The following COL6A6 variants were observed in gnomAD, a reference collection of about 807,000 sequenced individuals.
COL6A6 encodes collagen type VI alpha 6 chain, also known as collagen alpha-6(VI) chain.
Under a neutral mutation model 208.6 loss-of-function variants are expected in COL6A6, and 183 were observed. The ratio of observed to expected loss-of-function variants is 0.88; its 90% CI spans 0.78 to 0.99. The LOEUF (loss-of-function observed/expected upper bound fraction) is 0.99, where lower values mean the gene tolerates loss of function less well. COL6A6 is among the 50% of genes least tolerant of loss of function. The pLI is 0.00. For missense variants in COL6A6, 2,816 were observed against 2,815.2 expected (o/e 1.00, Z -0.01); for synonymous variants, 973 against 1,011.8 (o/e 0.96, Z 0.73).
At chr3:130,562,214 A>G (rs1577707161) in intron 2 of COL6A6, among the ~76,000 whole-genome samples, 1 of 152,234 alleles carries the variant, frequency 6.6e-6, no homozygotes, top group Admixed American at 6.5e-5. Flanking sequence ...CAATGATTCT[A>G]TATCATGTAA....
chr3:130,527,717 C>T (rs1272595829), intron 1 of COL6A6, among the ~76,000 whole-genome samples: 1 of 152,140 alleles, frequency 6.6e-6, no homozygotes, highest in African/African-American at 2.4e-5. Flanking sequence ...TACCAAAGCA[C>T]TTCATAGTTT....
intron 36 of COL6A6, among the ~76,000 whole-genome samples, chr3:130,671,014 G>C (rs564529005): frequency 6.6e-6 from 1 of 152,284 alleles, no homozygotes; most frequent in South Asian, 2.1e-4. Context: ...AAGGGAAGAG[G>C]GGAGATGCCT....
At chr3:130,637,884 C>G (rs184573786) in intron 28 of COL6A6, among the ~76,000 whole-genome samples, 1 of 152,228 alleles carries the variant, frequency 6.6e-6, no homozygotes, top group African/African-American at 2.4e-5. Context: ...CATATCAGCA[C>G]TGTTGACATT....
chr3:130,546,693 C>T (rs1387035695), intron 1 of COL6A6, among the ~76,000 whole-genome samples: 5 of 152,158 alleles, frequency 3.3e-5, no homozygotes, highest in East Asian at 1.9e-4. Flanking sequence ...TTCTCCAAGT[C>T]GTCACCAGAT....
At chr3:130,626,007 T>C (rs932438980) in intron 24 of COL6A6, among the ~76,000 whole-genome samples, 1 of 152,186 alleles carries the variant, frequency 6.6e-6, no homozygotes, top group African/African-American at 2.4e-5. Context: ...GTAGCTGAAC[T>C]TTCCTCAACA....
At chr3:130,527,054 G>A (rs530111001) in intron 1 of COL6A6, among the ~76,000 whole-genome samples, 26 of 152,206 alleles carry the variant, frequency 1.7e-4, no homozygotes, top group Non-Finnish European at 3.2e-4. Context: ...CCTCTTTTAG[G>A]CTACTTTTCC....
At chr3:130,634,449 C>A in intron 26 of COL6A6, 141 bp from the exon 27 acceptor site, 2 of 710,000 alleles carry the variant, frequency 2.8e-6, no homozygotes, top group Non-Finnish European at 4.9e-6. Context: ...ACTGCTATTT[C>A]ACTTCCAGAT....
chr3:130,576,275 C>T (rs988675824), intron 8 of COL6A6, among the ~76,000 whole-genome samples: 1 of 152,120 alleles, frequency 6.6e-6, no homozygotes, highest in Non-Finnish European at 1.5e-5. Context: ...AAGTCACCCA[C>T]TCTCCTTGCG....
At chr3:130,634,238 T>TAAAAAAAAAAAAAAAAAAA (rs1553713527) in intron 26 of COL6A6, among the ~76,000 whole-genome samples, 2 of 16,208 alleles carry the variant, frequency 1.2e-4, no homozygotes, top group East Asian at 1.0e-3. Flanking sequence ...AATAAATAAA[T>TAAAAAAAAAAAAAAAAAAA]AAATAAAAAA....
chr3:130,644,480 T>C (rs1478459318), intron 31 of COL6A6, among the ~76,000 whole-genome samples: 2 of 152,222 alleles, frequency 1.3e-5, no homozygotes, highest in Non-Finnish European at 2.9e-5. Flanking sequence ...AAGCAAGTGT[T>C]CATTTAATTC....
intron 27 of COL6A6, among the ~76,000 whole-genome samples, chr3:130,634,865 C>CT (rs1373583182): frequency 6.6e-6 from 1 of 152,058 alleles, no homozygotes; most frequent in Non-Finnish European, 1.5e-5. Context: ...AGATAGAAAA[C>CT]TTATCCTTTT....
intron 23 of COL6A6, among the ~76,000 whole-genome samples, chr3:130,618,360 T>C (rs1420003012): frequency 6.6e-6 from 1 of 152,222 alleles, no homozygotes; most frequent in Non-Finnish European, 1.5e-5. Context: ...AATAGAAGAC[T>C]ATTTACCACT....
At chr3:130,658,938 C>T (rs1290421094) in intron 34 of COL6A6, among the ~76,000 whole-genome samples, 166 bp downstream of exon 34, 1 of 152,150 alleles carries the variant, frequency 6.6e-6, no homozygotes, top group Non-Finnish European at 1.5e-5. Flanking sequence ...CAGATGAATC[C>T]TCTCAGCTCA....
intron 1 of COL6A6, among the ~76,000 whole-genome samples, chr3:130,520,536 T>A (rs1013679796): frequency 3.3e-5 from 5 of 152,220 alleles, no homozygotes; most frequent in African/African-American, 7.2e-5. Context: ...GAAGAAAAGA[T>A]CTTTTGTGTC....
At chr3:130,643,071 A>G in intron 31 of COL6A6, 48 bp downstream of exon 31, 3 of 1,596,278 alleles carry the variant, frequency 1.9e-6, no homozygotes, top group Non-Finnish European at 2.6e-6. Flanking sequence ...GCATTCATAC[A>G]AGAAAAGCAG....
chr3:130,660,898 C>T (rs890997812), intron 34 of COL6A6, among the ~76,000 whole-genome samples: 1 of 152,180 alleles, frequency 6.6e-6, no homozygotes, highest in African/African-American at 2.4e-5. Context: ...AAAATTACAA[C>T]ATTAAATGAC....
chr3:130,596,860 T>G (rs974250703), intron 18 of COL6A6, among the ~76,000 whole-genome samples: 2 of 152,224 alleles, frequency 1.3e-5, no homozygotes, highest in African/African-American at 2.4e-5. Context: ...AGTTAAATTA[T>G]TTGATCTATA....
rs915596975 is a variant in COL6A6 at position 130,661,581 on chromosome 3, G to T, written c.5831-56G>T. 5.1e-6 allele frequency: 7 copies of T among 1,380,684 alleles called. No individual in the cohort carries two copies. In the South Asian group the frequency reaches 9.6e-5, roughly 19 times the overall value. The allele number at this position is 1,380,684 out of a possible 1,614,324, so 85.5% of individuals were successfully genotyped here. ...TTCCAAATGTCAAAATATTTGACAT[G>T]CTATCTTCCCTTTTCTATTTCTACT... On this transcript the variant is annotated intron_variant, in intron 34 of 36. Transcript: ENST00000358511.
chr3:130,523,407 T>C (rs1041790855), intron 1 of COL6A6, among the ~76,000 whole-genome samples: 3 of 152,200 alleles, frequency 2.0e-5, no homozygotes, highest in Non-Finnish European at 4.4e-5. Flanking sequence ...CTGCCTTCAG[T>C]GCCAGCTACT....
Sources: allele counts gnomAD v4.1 joint callset (sites outside exome capture counted in the v4.1 genomes callset), GRCh38; gene constraint gnomAD v4.1.1; transcripts MANE v1.5; gene names NCBI Gene and HGNC (gene_info 2026-07-23, HGNC 2026-07-21).